The following HNRNPDL variants were observed in gnomAD, a reference collection of about 807,000 sequenced individuals.
The protein encoded by HNRNPDL is heterogeneous nuclear ribonucleoprotein D like.
HNRNPDL carries 18 observed loss-of-function variants against 48.0 expected under a neutral mutation model. That is an observed-to-expected ratio of 0.38 (90% confidence interval 0.26 to 0.56). The LOEUF is 0.56. Ranked by LOEUF, HNRNPDL falls within the 20% of genes least tolerant of loss-of-function variation. The pLI, the probability that HNRNPDL is intolerant of heterozygous loss-of-function variation, is 0.77. For missense variants in HNRNPDL, 553 were observed against 540.7 expected (o/e 1.02, Z -0.23); for synonymous variants, 306 against 207.3 (o/e 1.48, Z -4.09).
At chr4:82,428,472 A>G (rs1250628032) in intron 1 of HNRNPDL, 26 bp from the exon 2 acceptor site, 1 of 1,538,684 alleles carries the variant, frequency 6.5e-7, no homozygotes, top group African/African-American at 1.4e-5. Flanking sequence ...TTTTTAAAAA[A>G]AATTAACAAT....
Position 82,429,384 on chromosome 4 carries a change from C to A in HNRNPDL, c.307G>T (p.Ala103Ser), listed in dbSNP as rs767281029. Residue 103 changes from alanine (A) to serine (S), a missense_variant, in exon 1 of 8, where the codon GCC becomes TCC. Transcript: ENST00000295470. ...TGCTGGCGCGCAGTCCGGGTCGCGGCAGCAGCGGCGGCGGAGCGTTGTATG... is the reference window on the plus strand; with the variant it reads ...TGCTGGCGCGCAGTCCGGGTCGCGGAAGCAGCGGCGGCGGAGCGTTGTATG... ...SSIQRSAAAA[A>S]ATRTARQHPP... 1 of 1,613,478 alleles carries A rather than the reference C, an allele frequency of 6.2e-7. No homozygotes were observed. The highest frequency in any genetic ancestry group is 1.7e-5 in the Admixed American group (1 of 60,006).
Position 82,426,531 on chromosome 4 carries a change from C to T in HNRNPDL, c.1124G>A (p.Gly375Asp), listed in dbSNP as rs1370606966. ...GTTATACCCAGTATAATCATATCCG[C>T]CATAGCCACTATAGTTTTGATCACC... ...YGGDQNYSGY[G>D]GYDYTGYNYG... Residue 375 changes from glycine (G) to aspartate (D), a missense_variant, in exon 6 of 8, where the codon GGC becomes GAC. Gly to Asp is a moderately conservative substitution (Grantham distance 94). Around this residue, in one of 4 missense-constraint regions of HNRNPDL, gnomAD observed 174 missense variants for 204.6 expected, o/e 0.85. Transcript: ENST00000295470. 1 of 1,612,974 alleles carries T rather than the reference C, an allele frequency of 6.2e-7. No homozygotes were observed. Among genetic ancestry groups the T allele is most frequent in the East Asian group, 2.2e-5 (1 of 44,858 alleles).
chr4:82,429,861 G>T lies in HNRNPDL; in HGVS notation c.-171C>A. Reference sequence around the variant, plus strand: ...TGCCTTGGGAGCCTTTGTCTCTGGCGTCCGGTCCAGCCCACTCCTACCAAA... The same window carrying T: ...TGCCTTGGGAGCCTTTGTCTCTGGCTTCCGGTCCAGCCCACTCCTACCAAA... On this transcript the variant is annotated 5_prime_UTR_variant, in exon 1 of 8. Transcript: ENST00000295470. 1 of 445,640 alleles carries T rather than the reference G, an allele frequency of 2.2e-6. No individual in the cohort carries two copies. The highest frequency in any genetic ancestry group is 3.6e-5 in the East Asian group (1 of 28,086). 27.6% of individuals were successfully genotyped at this position (445,640 alleles called of 1,614,324 possible).
Position 82,427,525 on chromosome 4 carries a change from C to T in HNRNPDL, c.814G>A (p.Glu272Lys). The change falls in exon 4 of 8, where the codon GAA becomes AAA. Residue 272 changes from glutamate (E) to lysine (K), a missense_variant. Transcript: ENST00000295470. ...IELPMDTKTN[E>K]RRGFCFITYT... ...GTGATAAAACAAAATCCTCTTCTTT[C>T]ATTTGTTTTTGTATCCATGGGAAGT... 1 of 1,607,928 alleles carries T rather than the reference C, an allele frequency of 6.2e-7. No individual in the cohort carries two copies. Among genetic ancestry groups the T allele is most frequent in the Middle Eastern group, 1.7e-4 (1 of 5,934 alleles).
Position 82,429,396 on chromosome 4 carries a change from C to CGGA in HNRNPDL, c.292_294dup (p.Ser98dup). 1.2e-6 allele frequency: 2 copies of CGGA among 1,613,390 alleles called. No individual in the cohort carries two copies. The highest frequency in any genetic ancestry group is 2.2e-5 in the South Asian group (2 of 91,066). The stretch of plus-strand genomic sequence containing the variant: ...GTCCGGGTCGCGGCAGCAGCGGCGG[C>CGGA]GGAGCGTTGTATGGAGCTGGATTTA... On this transcript the variant is annotated inframe_insertion, in exon 1 of 8. Transcript: ENST00000295470.
chr4:82,430,069 T>G lies in HNRNPDL; in HGVS notation c.-379A>C. Reference sequence around the variant, plus strand: ...GCGCACGCGTGTTTTGTCCTCGAGCTGGCAGGAACCAGCCGAACAGGAAGC... The same window carrying G: ...GCGCACGCGTGTTTTGTCCTCGAGCGGGCAGGAACCAGCCGAACAGGAAGC... On this transcript the variant is annotated 5_prime_UTR_variant, in exon 1 of 8. Coordinates refer to ENST00000295470, the MANE Select transcript of HNRNPDL (RefSeq NM_031372.4). 6.5e-6 allele frequency: 1 copy of G among 153,430 alleles called. No homozygotes were observed. 9.5% of individuals were successfully genotyped at this position (153,430 alleles called of 1,614,324 possible). A position where few individuals can be genotyped will look rare whatever the true frequency, so the allele number is the denominator to read the frequency against.
At chr4:82,427,343 G>A (rs369943811) in intron 4 of HNRNPDL, 39 bp from the exon 5 acceptor site, 45 of 1,530,220 alleles carry the variant, frequency 2.9e-5, no homozygotes, top group Non-Finnish European at 3.9e-5. Context: ...TTTTACCGAA[G>A]TTCTAAAATT....
At chr4:82,428,690 T>G in intron 1 of HNRNPDL, among the ~76,000 whole-genome samples, 1 of 152,204 alleles carries the variant, frequency 6.6e-6, no homozygotes, top group East Asian at 1.9e-4. Context: ...TAAAATACAG[T>G]AAAGGTTCTG....
chr4:82,426,891 G>C (rs1721434260), intron 5 of HNRNPDL, among the ~76,000 whole-genome samples: 1 of 152,172 alleles, frequency 6.6e-6, no homozygotes, highest in South Asian at 2.1e-4. Context: ...ACACTGTTCT[G>C]TTTAAAACAA....
Position 82,426,483 on chromosome 4 carries a change from T to G in HNRNPDL, c.1172A>C (p.Gln391Pro), listed in dbSNP as rs1299822348. Reference protein sequence around the residue: ...GYNYGNYGYGQGYADYSGQQS... With the variant: ...GYNYGNYGYGPGYADYSGQQS... ...CTTACCACTGTAGTCTGCATATCCC[T>G]GTCCATATCCATAGTTCCCATAGTT... Residue 391 changes from glutamine (Q) to proline (P), a missense_variant, in exon 6 of 8, where the codon CAG (glutamine) becomes CCG (proline). This residue lies in a region of HNRNPDL where 174 missense variants were observed against 204.6 expected (regional missense o/e 0.85). Transcript: ENST00000295470. 2 of 1,612,284 alleles carry G rather than the reference T, an allele frequency of 1.2e-6. No individual in the cohort carries two copies. Among genetic ancestry groups the G allele is most frequent in the Non-Finnish European group, 1.7e-6 (2 of 1,178,564 alleles).
At position 82,427,739 on chromosome 4, in the gene HNRNPDL, G is replaced by C. The variant is rs148587337; in HGVS notation, c.775-175C>G. 2.4e-4 allele frequency among the ~76,000 whole-genome samples: 37 copies of C among 152,296 alleles called. No individual in the cohort carries two copies. The East Asian group carries it at 7.1e-3, about 29-fold the overall frequency. On this transcript the variant is annotated intron_variant, in intron 3 of 7. Transcript: ENST00000295470. The stretch of plus-strand genomic sequence containing the variant: ...GCCTACAGTGATTTGTTGTATATTT[G>C]AAGCATTGAGAGAAATTAATATTAT...
rs762023929 is a variant in HNRNPDL, at chr4:82,429,411, A to T, written c.280T>A (p.Ser94Thr). 1.2e-6 allele frequency: 2 copies of T among 1,612,712 alleles called. No individual in the cohort carries two copies. The highest frequency in any genetic ancestry group is 1.1e-5 in the South Asian group (1 of 91,036). ...DLFRRHFKSS[S>T]IQRSAAAAAA... ...GCAGCGGCGGCGGAGCGTTGTATGG[A>T]GCTGGATTTAAAATGGCGGCGGAAG... The change falls in exon 1 of 8, where the codon TCC becomes ACC. Residue 94 changes from serine (S) to threonine (T), a missense_variant. Around this residue, in one of 4 missense-constraint regions of HNRNPDL, gnomAD observed 327 missense variants for 203.2 expected, o/e 1.61. Transcript: ENST00000295470.
rs1721244062 is a variant in HNRNPDL, at chr4:82,422,950, G to C, written c.*1956C>G. On this transcript the variant is annotated 3_prime_UTR_variant, in exon 8 of 8. Coordinates refer to ENST00000295470, the MANE Select transcript of HNRNPDL (RefSeq NM_031372.4). ...AATTAATCCTTGGGAACGAGATCTT[G>C]ATAGTAGCTTCAGTTCATCCAACCT... 1 of 152,158 alleles carries C rather than the reference G, an allele frequency of 6.6e-6. No individual in the cohort carries two copies. 9.4% of individuals were successfully genotyped at this position (152,158 alleles called of 1,614,324 possible).
In HNRNPDL at chr4:82,428,270, G is replaced by T. The variant is rs1721503116; in HGVS notation, c.612+8C>A. 6.2e-7 allele frequency: 1 copy of T among 1,611,780 alleles called. No homozygotes were observed. The highest frequency in any genetic ancestry group is 8.5e-7 in the Non-Finnish European group (1 of 1,178,260). Reference sequence around the variant, plus strand: ...CAAAAGCAGCACAATGCAAAACATAGTTCCTACCTTATCAACACTAGCAGC... The same window carrying T: ...CAAAAGCAGCACAATGCAAAACATATTTCCTACCTTATCAACACTAGCAGC... On this transcript the variant is annotated splice_region_variant and intron_variant, in intron 2 of 7. Coordinates refer to ENST00000295470, the MANE Select transcript of HNRNPDL (RefSeq NM_031372.4).
chr4:82,428,519 G>A (rs1721514733), intron 1 of HNRNPDL, 73 bp from the exon 2 acceptor site: 1 of 1,234,986 alleles, frequency 8.1e-7, no homozygotes, highest in Admixed American at 2.2e-5. Context: ...ATTAAATCGT[G>A]AAATAAAAAC....
At chr4:82,426,313 G>GTA (rs1433961975) in intron 6 of HNRNPDL, 150 bp downstream of exon 6, 2 of 838,674 alleles carry the variant, frequency 2.4e-6, no homozygotes, top group African/African-American at 3.4e-5. Flanking sequence ...GTCTATGTTA[G>GTA]TATAATCATC....
chr4:82,423,982 C>T lies in HNRNPDL; in HGVS notation c.*924G>A, dbSNP rs1191572026. ...TTCCTCAGGATGCCCAAACAGAAAACATTTTGTTCAATCTTGTGGCGGCTC... is the reference window on the plus strand; with the variant it reads ...TTCCTCAGGATGCCCAAACAGAAAATATTTTGTTCAATCTTGTGGCGGCTC... On this transcript the variant is annotated 3_prime_UTR_variant, in exon 8 of 8. Transcript: ENST00000295470. 1 of 152,192 alleles carries T rather than the reference C, an allele frequency of 6.6e-6. No individual in the cohort carries two copies. The highest frequency in any genetic ancestry group is 2.4e-5 in the African/African-American group (1 of 41,444). 9.4% of individuals were successfully genotyped at this position (152,192 alleles called of 1,614,324 possible). A position where few individuals can be genotyped will look rare whatever the true frequency, so the allele number is the denominator to read the frequency against.
At chr4:82,428,842 G>T (rs1044397628) in intron 1 of HNRNPDL, among the ~76,000 whole-genome samples, 1 of 152,212 alleles carries the variant, frequency 6.6e-6, no homozygotes, top group Non-Finnish European at 1.5e-5. Flanking sequence ...TTGTGAATCT[G>T]GGTACCAGTC....
In HNRNPDL at chr4:82,428,265, A is replaced by C. The variant is rs369943423; in HGVS notation, c.612+13T>G. On this transcript the variant is annotated intron_variant, in intron 2 of 7. Coordinates refer to ENST00000295470, the MANE Select transcript of HNRNPDL (RefSeq NM_031372.4). ...CACCACAAAAGCAGCACAATGCAAA[A>C]CATAGTTCCTACCTTATCAACACTA... The C allele has an allele frequency of 6.2e-7, 1 of 1,610,400 alleles. No individual in the cohort carries two copies. The highest frequency in any genetic ancestry group is 8.5e-7 in the Non-Finnish European group (1 of 1,177,040).
Sources: allele counts gnomAD v4.1 joint callset (sites outside exome capture counted in the v4.1 genomes callset), GRCh38; gene constraint gnomAD v4.1.1; regional missense constraint gnomAD v4.1.1; transcripts MANE v1.5; gene names NCBI Gene and HGNC (gene_info 2026-07-23, HGNC 2026-07-21).